The following DNAH11 variants were observed in gnomAD, a reference collection of about 807,000 sequenced individuals.
DNAH11 encodes the protein dynein axonemal heavy chain 11.
DNAH11 carries 442 observed loss-of-function variants against 526.0 expected under a neutral mutation model. The ratio of observed to expected loss-of-function variants is 0.84; its 90% CI spans 0.78 to 0.91. The LOEUF (loss-of-function observed/expected upper bound fraction) is 0.91. DNAH11 is among the 40% of genes least tolerant of loss of function. The pLI, the probability that DNAH11 is intolerant of heterozygous loss-of-function variation, is 0.00. For synonymous variants in DNAH11, 2,461 were observed against 1,935.9 expected (o/e 1.27, Z -7.12); for missense variants, 6,989 against 5,448.7 (o/e 1.28, Z -8.90).
intron 8 of DNAH11, among the ~76,000 whole-genome samples, chr7:21,572,497 G>A (rs1783932051): frequency 6.6e-6 from 1 of 152,144 alleles, no homozygotes; most frequent in South Asian, 2.1e-4. Flanking sequence ...TGCTCTGTCA[G>A]TTCCAGCATG....
intron 40 of DNAH11, among the ~76,000 whole-genome samples, chr7:21,709,723 G>C (rs1166762724): frequency 2.6e-5 from 4 of 152,154 alleles, no homozygotes. Context: ...AACTATGGCA[G>C]GGAGAGAATC....
intron 43 of DNAH11, among the ~76,000 whole-genome samples, chr7:21,719,531 T>G (rs1257541573): frequency 1.3e-5 from 2 of 152,184 alleles, no homozygotes; most frequent in Non-Finnish European, 2.9e-5. Context: ...CAACAGTGCC[T>G]TAGAACAACA....
At chr7:21,828,143 T>G (rs1051788862) in intron 65 of DNAH11, among the ~76,000 whole-genome samples, 1 of 152,108 alleles carries the variant, frequency 6.6e-6, no homozygotes, top group African/African-American at 2.4e-5. Flanking sequence ...GAGATGGGGT[T>G]TCACTATGTT....
At chr7:21,676,434 A>G (rs1423734028) in intron 30 of DNAH11, among the ~76,000 whole-genome samples, 3 of 152,242 alleles carry the variant, frequency 2.0e-5, no homozygotes, top group Non-Finnish European at 4.4e-5. Flanking sequence ...AATGATTGCT[A>G]TCTCTTGCCA....
intron 40 of DNAH11, 32 bp from the exon 41 acceptor site, chr7:21,710,521 A>AT (rs1784419924): frequency 6.5e-7 from 1 of 1,543,468 alleles, no homozygotes; most frequent in Non-Finnish European, 8.8e-7. Flanking sequence ...CTATCGTAGA[A>AT]ATAAACAGCA....
intron 1 of DNAH11, chr7:21,543,801 T>C: frequency 1.7e-6 from 1 of 600,380 alleles, no homozygotes; most frequent in Non-Finnish European, 2.9e-6. Context: ...GTTTCCTAAG[T>C]CAGCAGTTTG....
chr7:21,859,736 T>G, intron 68 of DNAH11, among the ~76,000 whole-genome samples: 1 of 152,066 alleles, frequency 6.6e-6, no homozygotes, highest in Non-Finnish European at 1.5e-5. Context: ...ATTTTTCAAA[T>G]TTATATTTAT....
intron 57 of DNAH11, among the ~76,000 whole-genome samples, chr7:21,780,872 A>G (rs574519836): frequency 1.3e-5 from 2 of 152,324 alleles, no homozygotes; most frequent in Non-Finnish European, 2.9e-5. Context: ...GGGGTCTCTC[A>G]TGTAGATTAC....
intron 28 of DNAH11, 73 bp from the exon 29 acceptor site, chr7:21,655,759 G>T: frequency 7.0e-7 from 1 of 1,433,690 alleles, no homozygotes; most frequent in South Asian, 1.3e-5. Flanking sequence ...ACTTCATATG[G>T]CATCATCTCT....
chr7:21,571,863 A>G lies in DNAH11; in HGVS notation c.1483A>G (p.Thr495Ala). The part of the protein sequence containing the change: ...EKLERLEFGG[T>A]KGAILNGQVH... ...GCTGGAAAGACTGGAATTTGGTGGT[A>G]CCAAAGGAGCAATTTTAAATGGACA... The change falls in exon 8 of 82, where the codon ACC becomes GCC. Residue 495 changes from threonine (T) to alanine (A), a missense_variant. Thr to Ala is a moderately conservative substitution (Grantham distance 58). Transcript: ENST00000409508. The G allele has an allele frequency of 6.2e-7, 1 of 1,613,324 alleles. No individual in the cohort carries two copies. Among genetic ancestry groups the G allele is most frequent in the Non-Finnish European group, 8.5e-7 (1 of 1,179,604 alleles).
intron 54 of DNAH11, among the ~76,000 whole-genome samples, chr7:21,758,897 C>T (rs1293397262): frequency 6.6e-6 from 1 of 152,156 alleles, no homozygotes; most frequent in Non-Finnish European, 1.5e-5. Context: ...TAGAGTTATC[C>T]CATTGCGTCA....
intron 54 of DNAH11, among the ~76,000 whole-genome samples, chr7:21,758,270 G>A (rs1386396077): frequency 2.0e-5 from 3 of 152,162 alleles, no homozygotes; most frequent in Non-Finnish European, 4.4e-5. Flanking sequence ...AAGAACTTTA[G>A]AGAAAGACAA....
At chr7:21,572,567 T>C (rs1258791105) in intron 8 of DNAH11, among the ~76,000 whole-genome samples, 2 of 152,164 alleles carry the variant, frequency 1.3e-5, no homozygotes, top group Non-Finnish European at 2.9e-5. Context: ...AATAGCTTCA[T>C]TTTAGTAGTT....
chr7:21,804,427 C>T (rs1031831907), intron 62 of DNAH11, among the ~76,000 whole-genome samples: 2 of 152,238 alleles, frequency 1.3e-5, no homozygotes, highest in Middle Eastern at 3.4e-3. Flanking sequence ...ATTTTTAAAA[C>T]CCTAACTTAT....
chr7:21,855,842 A>C (rs1302703964), intron 68 of DNAH11, among the ~76,000 whole-genome samples: 1 of 152,208 alleles, frequency 6.6e-6, no homozygotes, highest in Non-Finnish European at 1.5e-5. Flanking sequence ...ATATGTACAC[A>C]TAGATATAGT....
rs113547976 is a variant in DNAH11, at chr7:21,548,791, G to A, written c.495+3642G>A. ...CTTATTGAACTCTGCCCCCTGCCTAGAGAGGCAAGAGGAGTAGTTCATATT... is the reference window on the plus strand; with the variant it reads ...CTTATTGAACTCTGCCCCCTGCCTAAAGAGGCAAGAGGAGTAGTTCATATT... On this transcript the variant is annotated intron_variant, in intron 2 of 81. Transcript: ENST00000409508. Among the ~76,000 whole-genome samples, 972 of 152,308 alleles carry A rather than the reference G, an allele frequency of 6.4e-3. 6 individuals carry two copies. Among genetic ancestry groups the A allele is most frequent in the African/African-American group, 0.021 (879 of 41,550 alleles).
chr7:21,590,844 T>C, intron 12 of DNAH11, 74 bp from the exon 13 acceptor site: 4 of 914,666 alleles, frequency 4.4e-6, no homozygotes, highest in Non-Finnish European at 6.1e-6. Context: ...CTTAAGTATT[T>C]CAAGTTAAAC....
At chr7:21,798,976 T>C (rs1397904923) in intron 61 of DNAH11, among the ~76,000 whole-genome samples, 1 of 152,194 alleles carries the variant, frequency 6.6e-6, no homozygotes, top group African/African-American at 2.4e-5. Context: ...TATTACTTGA[T>C]ATCATCTGTA....
chr7:21,802,948 AAT>A (rs201985396), intron 62 of DNAH11, among the ~76,000 whole-genome samples: 1 of 146,136 alleles, frequency 6.8e-6, no homozygotes. Context: ...ATATATATAT[AAT>A]ATATATATAT....
Sources: allele counts gnomAD v4.1 joint callset (sites outside exome capture counted in the v4.1 genomes callset), GRCh38; gene constraint gnomAD v4.1.1; transcripts MANE v1.5; gene names NCBI Gene and HGNC (gene_info 2026-07-23, HGNC 2026-07-21).